Variants in EEF1AKMT1 observed in about 807,000 individuals in gnomAD.
EEF1AKMT1 encodes EEF1A lysine methyltransferase 1.
Under a neutral mutation model 21.0 loss-of-function variants are expected in EEF1AKMT1, and 18 were observed. That is an observed-to-expected ratio of 0.86 (90% CI 0.59 to 1.27). EEF1AKMT1 has a LOEUF of 1.27. Among genes scored for constraint, EEF1AKMT1 ranks in the 50% most tolerant of loss-of-function variants. The pLI is 0.00. For missense variants in EEF1AKMT1, 246 were observed against 258.6 expected, an observed-to-expected ratio of 0.95 and a Z score of 0.33; for synonymous variants, 109 against 94.8, an observed-to-expected ratio of 1.15 and a Z score of -0.87.
chr13:20,772,240 T>G (rs911482404), intron 1 of EEF1AKMT1, among the ~76,000 whole-genome samples: 1 of 152,044 alleles, frequency 6.6e-6, no homozygotes, highest in African/African-American at 2.4e-5. Flanking sequence ...TAAAAAAAAT[T>G]TTTTTCTTTA....
chr13:20,746,049 T>A (rs971357642), intron 2 of EEF1AKMT1, among the ~76,000 whole-genome samples: 1 of 152,222 alleles, frequency 6.6e-6, no homozygotes, highest in Non-Finnish European at 1.5e-5. Context: ...TGCATGCTAT[T>A]TATTGAATAT....
chr13:20,764,919 C>CCTG (rs1555327415), intron 1 of EEF1AKMT1, among the ~76,000 whole-genome samples: 3 of 91,822 alleles, frequency 3.3e-5, no homozygotes, highest in African/African-American at 1.1e-4. Context: ...ACACACACAC[C>CCTG]CTAATTTTGA....
intron 2 of EEF1AKMT1, among the ~76,000 whole-genome samples, chr13:20,749,244 T>C (rs1328648800): frequency 6.6e-6 from 1 of 152,218 alleles, no homozygotes; most frequent in African/African-American, 2.4e-5. Flanking sequence ...AATACAATTT[T>C]CTACATATTG....
intron 2 of EEF1AKMT1, among the ~76,000 whole-genome samples, chr13:20,749,358 C>A (rs543406736): frequency 2.0e-5 from 3 of 152,264 alleles, no homozygotes; most frequent in Admixed American, 6.5e-5. Flanking sequence ...GCAGCACAAC[C>A]ATTACACTGG....
At chr13:20,765,043 C>T (rs1034370632) in intron 1 of EEF1AKMT1, among the ~76,000 whole-genome samples, 37 of 151,824 alleles carry the variant, frequency 2.4e-4, no homozygotes, top group African/African-American at 8.5e-4. Context: ...GGGTGGATCA[C>T]GAGGTCAGGA....
At chr13:20,735,858 C>CA (rs2058823343) in intron 3 of EEF1AKMT1, among the ~76,000 whole-genome samples, 1 of 151,264 alleles carries the variant, frequency 6.6e-6, no homozygotes, top group African/African-American at 2.4e-5. Context: ...ACTCAAAGAC[C>CA]AAAAAAAGAG....
intron 4 of EEF1AKMT1, among the ~76,000 whole-genome samples, chr13:20,729,835 C>G (rs2058781852): frequency 6.6e-6 from 1 of 152,238 alleles, no homozygotes; most frequent in South Asian, 2.1e-4. Flanking sequence ...GCCCTCCTTG[C>G]AGGCCACCGC....
chr13:20,768,817 T>C (rs952913841), intron 1 of EEF1AKMT1: 5 of 152,182 alleles, frequency 3.3e-5, no homozygotes, highest in Admixed American at 2.0e-4. Flanking sequence ...CAGCTATGCA[T>C]GCATTCTTGT....
intron 2 of EEF1AKMT1, among the ~76,000 whole-genome samples, chr13:20,755,371 T>G (rs1288821576): frequency 6.6e-6 from 1 of 152,234 alleles, no homozygotes; most frequent in Non-Finnish European, 1.5e-5. Flanking sequence ...GTGCTCCCTA[T>G]CTGGAGCAAA....
At chr13:20,765,787 C>A (rs941268538) in intron 1 of EEF1AKMT1, among the ~76,000 whole-genome samples, 6 of 148,028 alleles carry the variant, frequency 4.1e-5, no homozygotes, top group African/African-American at 1.5e-4. Flanking sequence ...TTTTAGAATT[C>A]TTTTATACCA....
At chr13:20,734,471 C>A (rs2058815047) in intron 3 of EEF1AKMT1, among the ~76,000 whole-genome samples, 1 of 152,296 alleles carries the variant, frequency 6.6e-6, no homozygotes, top group Middle Eastern at 3.4e-3. Context: ...GGAACTATTG[C>A]ACAGAGATAC....
chr13:20,773,234 T>C (rs2059070811), intron 1 of EEF1AKMT1, among the ~76,000 whole-genome samples: 1 of 152,136 alleles, frequency 6.6e-6, no homozygotes, highest in African/African-American at 2.4e-5. Flanking sequence ...CAGTGCGACG[T>C]TGTGATGTAC....
chr13:20,729,935 G>A (rs529575555), intron 4 of EEF1AKMT1, among the ~76,000 whole-genome samples: 1 of 152,302 alleles, frequency 6.6e-6, no homozygotes, highest in South Asian at 2.1e-4. Context: ...TACGTCTTCA[G>A]ACAAGTTGCG....
rs60730051 is a variant in EEF1AKMT1, at chr13:20,747,462, C to CTTTTT, written c.145-9662_145-9658dup. On this transcript the variant is annotated intron_variant, in intron 2 of 4. Coordinates refer to ENST00000382758, the MANE Select transcript of EEF1AKMT1 (RefSeq NM_001318939.2). ...GATCTCTGTGCCAGTTAGGCACATT[C>CTTTTT]TTTTTTTTTTTTTTTTTTTTTGAGA... 748 of 87,638 alleles carry CTTTTT rather than the reference C, an allele frequency of 8.5e-3. 17 individuals carry two copies. The highest frequency in any genetic ancestry group is 0.012 in the Non-Finnish European group (600 of 49,232). 5.4% of individuals were successfully genotyped at this position (87,638 alleles called of 1,614,324 possible).
At chr13:20,754,750 A>T (rs927962772) in intron 2 of EEF1AKMT1, among the ~76,000 whole-genome samples, 118 of 151,300 alleles carry the variant, frequency 7.8e-4, no homozygotes, top group South Asian at 1.3e-3. Context: ...ACAAAAAAAA[A>T]AAAAAAAAAA....
chr13:20,730,049 G>C (rs1010529536), intron 4 of EEF1AKMT1, among the ~76,000 whole-genome samples: 15 of 152,242 alleles, frequency 9.9e-5, no homozygotes, highest in Admixed American at 9.2e-4. Context: ...CGCTGTGGCC[G>C]TGGCTCCTGA....
chr13:20,742,448 C>A (rs1403241766), intron 2 of EEF1AKMT1, among the ~76,000 whole-genome samples: 1 of 152,076 alleles, frequency 6.6e-6, no homozygotes, highest in Non-Finnish European at 1.5e-5. Flanking sequence ...TTTCAAAGAA[C>A]ACCAACATCA....
chr13:20,738,192 C>CA (rs919123983), intron 2 of EEF1AKMT1, among the ~76,000 whole-genome samples: 1 of 152,160 alleles, frequency 6.6e-6, no homozygotes, highest in African/African-American at 2.4e-5. Context: ...ATTACAAACA[C>CA]AGAGGATGGA....
intron 2 of EEF1AKMT1, chr13:20,747,414 G>A (rs2058911299): frequency 4.5e-6 from 1 of 220,790 alleles, no homozygotes; most frequent in Admixed American, 4.2e-5. Flanking sequence ...ACACAATGGG[G>A]ATGTTTTCAC....
Sources: gnomAD v4.1 joint callset for allele counts (sites outside exome capture counted in the v4.1 genomes callset) on GRCh38, gnomAD v4.1.1 for gene constraint, MANE v1.5 for transcripts, NCBI Gene and HGNC (gene_info 2026-07-23, HGNC 2026-07-21) for gene names.